ZBBX: variants seen among roughly 807,000 people sequenced by gnomAD.
ZBBX encodes the protein zinc finger B-box domain containing, also known as zinc finger B-box domain-containing protein 1.
ZBBX carries 101 observed loss-of-function variants against 108.5 expected under a neutral mutation model. The ratio of observed to expected loss-of-function variants is 0.93; its 90% CI spans 0.79 to 1.10. The LOEUF (loss-of-function observed/expected upper bound fraction) is 1.10. Ranked by LOEUF, ZBBX falls within the 50% of genes least tolerant of loss-of-function variation. ZBBX has a pLI of 0.00. For synonymous variants in ZBBX, 356 were observed against 323.4 expected (o/e 1.10, Z -1.08); for missense variants, 1,009 against 941.4 (o/e 1.07, Z -0.94).
At chr3:167,362,176 A>C (rs1370739889) in intron 6 of ZBBX, among the ~76,000 whole-genome samples, 1 of 152,138 alleles carries the variant, frequency 6.6e-6, no homozygotes, top group Non-Finnish European at 1.5e-5. Flanking sequence ...TATATAATAC[A>C]TGCATATGTA....
Position 167,389,926 on chromosome 3 carries a change from C to T in ZBBX, c.-445-9521G>A, listed in dbSNP as rs146427643. 2.4e-3 allele frequency among the ~76,000 whole-genome samples: 359 copies of T among 152,134 alleles called. 2 individuals carry two copies. The highest frequency in any genetic ancestry group is 8.0e-3 in the African/African-American group (330 of 41,508). The stretch of plus-strand genomic sequence containing the variant: ...ACATTCTGTAGGTTGCCTGTTCACT[C>T]TGACTATAGTTTCTTTTGCTGTGCA... On this transcript the variant is annotated intron_variant, in intron 1 of 21. Transcript: ENST00000455345.
chr3:167,325,389 T>C (rs918498629), intron 11 of ZBBX, among the ~76,000 whole-genome samples: 9 of 152,044 alleles, frequency 5.9e-5, no homozygotes, highest in African/African-American at 1.9e-4. Context: ...GAACTCCCAT[T>C]TATAAAACCA....
the ZBBX span, among the ~76,000 whole-genome samples, chr3:167,218,115 G>A: frequency 6.6e-6 from 1 of 152,028 alleles, no homozygotes. Flanking sequence ...GAAGTGAGAG[G>A]GTGGGAGGAG....
chr3:167,250,742 G>T lies in ZBBX; in HGVS notation c.2255-8099C>A, dbSNP rs559846492. Among the ~76,000 whole-genome samples the T allele has an allele frequency of 2.0e-5, 3 of 152,204 alleles. No homozygotes were observed. The South Asian group carries it at 6.2e-4, about 32-fold the overall frequency. On this transcript the variant is annotated intron_variant, in intron 20 of 21. Coordinates refer to ENST00000675490, the MANE Select transcript of ZBBX (RefSeq NM_001199201.2). Reference sequence around the variant, plus strand: ...AGGTAGTTAGATGTACATCTTCAGAGGGGAGAATGATACCGGAGGGGTCGA... The same window carrying T: ...AGGTAGTTAGATGTACATCTTCAGATGGGAGAATGATACCGGAGGGGTCGA...
chr3:167,196,544 T>C, the ZBBX span, among the ~76,000 whole-genome samples: 1 of 152,198 alleles, frequency 6.6e-6, no homozygotes, highest in African/African-American at 2.4e-5. Context: ...AGCAGATGAT[T>C]CTTAAGTAAA....
chr3:167,278,375 A>G (rs1181198699), intron 20 of ZBBX, among the ~76,000 whole-genome samples: 5 of 150,382 alleles, frequency 3.3e-5, no homozygotes, highest in Non-Finnish European at 5.9e-5. Context: ...AGAAAAAAAG[A>G]GAGAAGAATC....
intron 1 of ZBBX, among the ~76,000 whole-genome samples, chr3:167,386,233 A>G (rs974891815): frequency 2.1e-4 from 32 of 152,036 alleles, no homozygotes; most frequent in African/African-American, 7.5e-4. Flanking sequence ...GATTTTCTGG[A>G]AATTTTCCCC....
rs779078503 is a variant in ZBBX at position 167,315,824 on chromosome 3, A to G, written c.1200T>C (p.Tyr400=). The change falls in exon 15 of 22, where the codon TAT becomes TAC. Residue 400 remains tyrosine, a synonymous_variant. Coordinates refer to ENST00000675490, the MANE Select transcript of ZBBX (RefSeq NM_001199201.2). ...TTTCTGCTTCTTCAAATTCCTCTTC[A>G]TAAGTCTTATTAAATTAATGTTATA... The part of the protein sequence containing the change: ...SLKIVELDDT[Y]EEEFEEAENI... 6.3e-7 allele frequency: 1 copy of G among 1,588,938 alleles called. No individual in the cohort carries two copies. The highest frequency in any genetic ancestry group is 2.2e-5 in the East Asian group (1 of 44,510).
downstream of ZBBX, among the ~76,000 whole-genome samples, chr3:167,236,155 G>C (rs1424525039): frequency 6.6e-6 from 1 of 151,702 alleles, no homozygotes; most frequent in East Asian, 1.9e-4. Context: ...ACACAGAATA[G>C]AAGAAAGCTA....
intron 20 of ZBBX, among the ~76,000 whole-genome samples, chr3:167,264,095 G>C (rs745725343): frequency 2.0e-5 from 3 of 152,028 alleles, no homozygotes; most frequent in Non-Finnish European, 4.4e-5. Flanking sequence ...CAGTTCATGT[G>C]TATCTTTCAG....
Position 167,313,978 on chromosome 3 carries a change from T to G in ZBBX, c.1413A>C (p.Ser471=). The change falls in exon 16 of 22, where the codon TCA becomes TCC. Residue 471 remains serine (S), a synonymous_variant. Coordinates refer to ENST00000675490, the MANE Select transcript of ZBBX (RefSeq NM_001199201.2). ...RNSSTYYKDN[S]KAETSNTDFD... ...CAGCAACAAGAAAAATGTTACCTTT[T>G]GAATTATCTTTATAATAAGTAGAGC... 1 of 1,575,836 alleles carries G rather than the reference T, an allele frequency of 6.3e-7. No homozygotes were observed.
rs894134388 is a variant in ZBBX at position 167,263,053 on chromosome 3, T to C, written c.2254+19185A>G. On this transcript the variant is annotated intron_variant, in intron 20 of 21. Transcript: ENST00000675490. Reference sequence around the variant, plus strand: ...TCTAGTTCTTTTTTTTTTTTTTTTTTTTGAGATGGAGTCTAGTTCTGTTGC... The same window carrying C: ...TCTAGTTCTTTTTTTTTTTTTTTTTCTTGAGATGGAGTCTAGTTCTGTTGC... Among the ~76,000 whole-genome samples, 3 of 148,946 alleles carry C rather than the reference T, an allele frequency of 2.0e-5. No individual in the cohort carries two copies. The East Asian group carries it at 5.9e-4, about 29-fold the overall frequency.
chr3:167,369,725 G>C (rs1217561724), intron 4 of ZBBX, among the ~76,000 whole-genome samples: 1 of 152,114 alleles, frequency 6.6e-6, no homozygotes, highest in Non-Finnish European at 1.5e-5. Context: ...GGGGCTACCT[G>C]GGCACAAAGA....
downstream of ZBBX, among the ~76,000 whole-genome samples, chr3:167,235,518 A>T (rs1720197561): frequency 6.6e-6 from 1 of 150,912 alleles, no homozygotes; most frequent in South Asian, 2.1e-4. Context: ...TTCTCTGGAT[A>T]AAAATGTGAA....
chr3:167,377,027 GT>G (rs926001367), intron 2 of ZBBX, among the ~76,000 whole-genome samples: 5 of 151,946 alleles, frequency 3.3e-5, no homozygotes, highest in Non-Finnish European at 7.4e-5. Flanking sequence ...TGGTCATTCA[GT>G]TTTTTTTATA....
At chr3:167,258,620 T>C (rs979849854) in intron 20 of ZBBX, among the ~76,000 whole-genome samples, 1 of 152,006 alleles carries the variant, frequency 6.6e-6, no homozygotes, top group Non-Finnish European at 1.5e-5. Context: ...TTTCCCCAGA[T>C]GGCTTTTTTA....
chr3:167,372,870 C>T lies in ZBBX; in HGVS notation c.32G>A (p.Trp11Ter). Residue 11 changes from tryptophan (W) to a stop codon, truncating the protein, a stop_gained, in exon 4 of 22, where the codon TGG becomes TAG. Coordinates refer to ENST00000675490, the MANE Select transcript of ZBBX (RefSeq NM_001199201.2). LOFTEE classifies it high-confidence loss of function. Reference protein sequence around the residue: MNRKDFVVLPWGKPGNSVKLK... With the variant: MNRKDFVVLP ...CTTTACAGAATTTCCAGGTTTTCCC[C>T]ATGGAAGAACTACAAAATCTTTTCT... The T allele has an allele frequency of 6.3e-7, 1 of 1,599,494 alleles. No individual in the cohort carries two copies. The highest frequency in any genetic ancestry group is 1.1e-5 in the South Asian group (1 of 88,782).
At chr3:167,326,193 G>A (rs1468412092) in intron 11 of ZBBX, among the ~76,000 whole-genome samples, 1 of 152,144 alleles carries the variant, frequency 6.6e-6, no homozygotes, top group African/African-American at 2.4e-5. Flanking sequence ...CTCTACAAGA[G>A]TTACAAATGA....
At chr3:167,301,540 T>A (rs1415663523) in intron 17 of ZBBX, among the ~76,000 whole-genome samples, 1 of 152,264 alleles carries the variant, frequency 6.6e-6, no homozygotes, top group Non-Finnish European at 1.5e-5. Flanking sequence ...TTTCTTGCAT[T>A]TGGGATTATA....
Sources: gnomAD v4.1 joint callset for allele counts (sites outside exome capture counted in the v4.1 genomes callset) on GRCh38, gnomAD v4.1.1 for gene constraint, MANE v1.5 for transcripts, NCBI Gene and HGNC (gene_info 2026-07-23, HGNC 2026-07-21) for gene names.